MMP17: variants seen among roughly 807,000 people sequenced by gnomAD.
MMP17 encodes matrix metallopeptidase 17.
MMP17 carries 54 observed loss-of-function variants against 49.1 expected under a neutral mutation model. That is an observed-to-expected ratio of 1.10 (90% CI 0.88 to 1.38). The LOEUF (loss-of-function observed/expected upper bound fraction) is 1.38, where lower values mean the gene tolerates loss of function less well. Among genes scored for constraint, MMP17 ranks in the 40% most tolerant of loss-of-function variants. The probability of loss-of-function intolerance (pLI) is 0.00; values close to 1 mark genes in which losing one functional copy is unlikely to be tolerated. For missense variants in MMP17, 837 were observed against 853.7 expected, an observed-to-expected ratio of 0.98 and a Z score of 0.24; for synonymous variants, 397 against 383.1, an observed-to-expected ratio of 1.04 and a Z score of -0.42.
At chr12:131,850,890 C>T (rs752977316) in intron 9 of MMP17, 35 bp from the exon 10 acceptor site, 2 of 1,421,166 alleles carry the variant, frequency 1.4e-6, no homozygotes, top group South Asian at 3.1e-5. Context: ...CTGCTGCAGC[C>T]CTCCCCTGAG....
At position 131,828,530 on chromosome 12, in the gene MMP17, GC is replaced by G. The variant is rs1886624197; in HGVS notation, c.41del (p.Pro14GlnfsTer43). The G allele has an allele frequency of 1.0e-6, 1 of 994,076 alleles. No individual in the cohort carries two copies. Among genetic ancestry groups the G allele is most frequent in the Non-Finnish European group, 1.2e-6 (1 of 839,200 alleles). 61.6% of individuals were successfully genotyped at this position (994,076 alleles called of 1,614,324 possible). A position where few individuals can be genotyped will look rare whatever the true frequency, so the allele number is the denominator to read the frequency against. ...RRAARGPGPP[P>X]PGPGLSRLPL... ...GCGCAGCCCGGGGACCCGGCCCGCC[GC>G]CCCCAGGGCCCGGACTCTCGCGGCT... On this transcript the variant is annotated frameshift_variant, in exon 1 of 10. Transcript: ENST00000360564.
In MMP17 at chr12:131,841,665, T is replaced by C; in HGVS notation, c.748T>C (p.Phe250Leu). Residue 250 changes from phenylalanine to leucine, a missense_variant, in exon 5 of 10, where the codon TTT becomes CTT. Transcript: ENST00000360564. ...CCTGTTTGCAGTGGCTGTCCACGAG[T>C]TTGGCCACGCCATTGGGTTAAGCCA... ...MDLFAVAVHEFGHAIGLSHVA... is the reference protein window; with the variant it reads ...MDLFAVAVHELGHAIGLSHVA... 1 of 1,614,058 alleles carries C rather than the reference T, an allele frequency of 6.2e-7. No individual in the cohort carries two copies. The highest frequency in any genetic ancestry group is 8.5e-7 in the Non-Finnish European group (1 of 1,179,994).
chr12:131,849,940 ACCAG>A lies in MMP17; in HGVS notation c.1345_1348del (p.Gln449CysfsTer152). 1 of 1,613,986 alleles carries A rather than the reference ACCAG, an allele frequency of 6.2e-7. No individual in the cohort carries two copies. The highest frequency in any genetic ancestry group is 8.5e-7 in the Non-Finnish European group (1 of 1,180,000). On this transcript the variant is annotated frameshift_variant, in exon 9 of 10. Coordinates refer to ENST00000360564, the MANE Select transcript of MMP17 (RefSeq NM_016155.7). LOFTEE classifies it high-confidence loss of function. ...AATGACAGGACTTATTTCTTTAAGG[ACCAG>A]CTGTACTGGCGCTACGATGACCACA...
intron 1 of MMP17, among the ~76,000 whole-genome samples, chr12:131,830,573 G>A (rs1264264424): frequency 6.6e-6 from 1 of 152,346 alleles, no homozygotes; most frequent in Admixed American, 6.5e-5. Context: ...GCTTCCCCGC[G>A]GGGAGGGACG....
At chr12:131,843,880 CAG>C in intron 5 of MMP17, 115 bp from the exon 6 acceptor site, 1 of 716,142 alleles carries the variant, frequency 1.4e-6, no homozygotes. Flanking sequence ...TGCGCCCCCA[CAG>C]AGCCTGTCTG....
chr12:131,841,847 C>T, intron 5 of MMP17, 47 bp downstream of exon 5: 1 of 1,507,682 alleles, frequency 6.6e-7, no homozygotes, highest in Non-Finnish European at 8.9e-7. Flanking sequence ...GAAGAGGGGT[C>T]AGAAACCCCA....
intron 1 of MMP17, among the ~76,000 whole-genome samples, chr12:131,830,524 C>T (rs988815296): frequency 5.3e-5 from 8 of 152,348 alleles, no homozygotes; most frequent in Admixed American, 4.6e-4. Flanking sequence ...TGCTGGCCCT[C>T]GGGGAACCGC....
chr12:131,844,743 G>A (rs531840531), intron 6 of MMP17: 7 of 292,544 alleles, frequency 2.4e-5, no homozygotes, highest in South Asian at 9.0e-5. Flanking sequence ...CAGCCACGTC[G>A]CTGTGAACAC....
intron 6 of MMP17, 36 bp from the exon 7 acceptor site, chr12:131,845,082 C>T: frequency 6.3e-7 from 1 of 1,582,604 alleles, no homozygotes; most frequent in Non-Finnish European, 8.6e-7. Context: ...GCTGCCCAGG[C>T]CCCGCCTCCC....
chr12:131,841,784 C>T lies in MMP17; in HGVS notation c.867C>T (p.Arg289=), dbSNP rs766164143. 6.9e-6 allele frequency: 11 copies of T among 1,600,976 alleles called. No homozygotes were observed. The highest frequency in any genetic ancestry group is 1.3e-5 in the African/African-American group (1 of 74,628). ...GGCTCCCCTACGAGGACAAGGTGCG[C>T]GTCTGGCAGCTGTACGGTGAGTGTC... ...RYGLPYEDKV[R]VWQLYGVRES... is the part of the protein sequence containing the mutation. Residue 289 remains arginine, a synonymous_variant, in exon 5 of 10, where the codon CGC becomes CGT. Coordinates refer to ENST00000360564, the MANE Select transcript of MMP17 (RefSeq NM_016155.7).
At chr12:131,838,406 GCA>G in intron 2 of MMP17, 79 bp downstream of exon 2, 1 of 1,549,040 alleles carries the variant, frequency 6.5e-7, no homozygotes. Context: ...CTCTGATCAG[GCA>G]CAGTCCCGTC....
intron 8 of MMP17, among the ~76,000 whole-genome samples, chr12:131,848,582 G>T (rs921443357): frequency 1.3e-5 from 2 of 149,488 alleles, no homozygotes; most frequent in Admixed American, 6.8e-5. Flanking sequence ...CCCGCCCCTG[G>T]GCAGCCCCGC....
rs1384033908 is a variant in MMP17, at chr12:131,840,461, G to A, written c.423-112G>A. On this transcript the variant is annotated intron_variant, in intron 3 of 9. Coordinates refer to ENST00000360564, the MANE Select transcript of MMP17 (RefSeq NM_016155.7). The stretch of plus-strand genomic sequence containing the variant: ...GCGTGGGGAGGAAGGCGGAAGATGG[G>A]GGAGACCCTCATAGGGGCACCCCCG... The A allele has an allele frequency of 6.9e-6, 8 of 1,154,538 alleles. No individual in the cohort carries two copies. In the East Asian group the frequency reaches 1.9e-4, roughly 27 times the overall value. The allele number at this position is 1,154,538 out of a possible 1,614,324, so 71.5% of individuals were successfully genotyped here.
At chr12:131,842,370 G>C (rs1361477796) in intron 5 of MMP17, among the ~76,000 whole-genome samples, 1 of 152,178 alleles carries the variant, frequency 6.6e-6, no homozygotes, top group Non-Finnish European at 1.5e-5. Flanking sequence ...CCCTGCAGTA[G>C]TGCTGCCCCT....
At chr12:131,844,710 T>G in intron 6 of MMP17, 16 of 235,374 alleles carry the variant, frequency 6.8e-5, no homozygotes, top group Non-Finnish European at 1.1e-4. Flanking sequence ...GACATGCACC[T>G]TGTCCCTGAC....
In MMP17 at chr12:131,839,419, C is replaced by T. The variant is rs1017735610; in HGVS notation, c.422+678C>T. On this transcript the variant is annotated intron_variant, in intron 3 of 9. Transcript: ENST00000360564. ...CCCTGACATCCTGGGCTCAAGCAAT[C>T]CTCCTGCCTCCGCCTCCCGAGTAGC... Among the ~76,000 whole-genome samples the T allele has an allele frequency of 5.9e-5, 9 of 152,102 alleles. No homozygotes were observed. The East Asian group carries it at 1.7e-3, about 29-fold the overall frequency.
chr12:131,849,803 A>T lies in MMP17; in HGVS notation c.1206A>T (p.Gly402=). 6.2e-7 allele frequency: 1 copy of T among 1,608,916 alleles called. No individual in the cohort carries two copies. The highest frequency in any genetic ancestry group is 8.5e-7 in the Non-Finnish European group (1 of 1,176,168). The change falls in exon 9 of 10, where the codon GGA becomes GGT. Residue 402 remains glycine, a splice_region_variant and synonymous_variant. Transcript: ENST00000360564. ...CACAGCTGTTTCTCTCGCCCCCAGG[A>T]GACAGGTACTGGGTGTTCAAGGACA... ...TSDHKIVFFK[G]DRYWVFKDNN... is the part of the protein sequence containing the mutation.
chr12:131,846,817 G>A lies in MMP17; in HGVS notation c.1204+1368G>A, dbSNP rs895789354. Reference sequence around the variant, plus strand: ...ATGTGGCAGCCACTCCCACAGTCACGGGCGGGACCCCGTTTCCTTGCCGAG... The same window carrying A: ...ATGTGGCAGCCACTCCCACAGTCACAGGCGGGACCCCGTTTCCTTGCCGAG... On this transcript the variant is annotated intron_variant, in intron 8 of 9. Transcript: ENST00000360564. This position sits in a 1 kb window ranked among gnomAD's most constrained non-coding sequence, Gnocchi z 4.6. Among the ~76,000 whole-genome samples the A allele has an allele frequency of 6.6e-6, 1 of 152,192 alleles. No individual in the cohort carries two copies. The highest frequency in any genetic ancestry group is 2.4e-5 in the African/African-American group (1 of 41,452).
chr12:131,845,178 G>C lies in MMP17; in HGVS notation c.1029G>C (p.Arg343=), dbSNP rs35272225. The C allele has an allele frequency of 0.025, 39,829 of 1,614,064 alleles. 715 individuals are homozygous for C. The highest frequency in any genetic ancestry group is 0.079 in the Middle Eastern group (480 of 6,060). ...ACTTTGACGCGGTGGCCCAGATCCG[G>C]GGTGAAGCTTTCTTCTTCAAAGGTA... is the stretch of plus-strand genomic sequence containing the variant. The part of the protein sequence containing the change: ...STHFDAVAQI[R]GEAFFFKGKY... The change falls in exon 7 of 10, where the codon CGG becomes CGC. Residue 343 remains arginine, a synonymous_variant. Coordinates refer to ENST00000360564, the MANE Select transcript of MMP17 (RefSeq NM_016155.7).
Sources: gnomAD v4.1 joint callset for allele counts (sites outside exome capture counted in the v4.1 genomes callset) on GRCh38, gnomAD v4.1.1 for gene constraint, Gnocchi (gnomAD v3.1) non-coding constraint, MANE v1.5 for transcripts, NCBI Gene and HGNC (gene_info 2026-07-23, HGNC 2026-07-21) for gene names.